The following XXYLT1 variants were observed in gnomAD, a reference collection of about 807,000 sequenced individuals.
The protein encoded by XXYLT1 is xyloside xylosyltransferase 1.
XXYLT1 carries 20 observed loss-of-function variants against 28.9 expected under a neutral mutation model. The observed-to-expected ratio is 0.69, with a 90% CI of 0.49 to 1.00. The LOEUF (loss-of-function observed/expected upper bound fraction) is 1.00. Among genes scored for constraint, XXYLT1 ranks in the 50% least tolerant of loss-of-function variants. The pLI, the probability that XXYLT1 is intolerant of heterozygous loss-of-function variation, is 0.00. For missense variants in XXYLT1, 542 were observed against 560.1 expected, an observed-to-expected ratio of 0.97 and a Z score of 0.33; for synonymous variants, 257 against 253.8, an observed-to-expected ratio of 1.01 and a Z score of -0.12.
At chr3:195,206,368 T>C (rs1311724175) in intron 2 of XXYLT1, among the ~76,000 whole-genome samples, 1 of 150,788 alleles carries the variant, frequency 6.6e-6, no homozygotes, top group Non-Finnish European at 1.5e-5. Context: ...AAATGAAACA[T>C]GTAGTCAATT....
chr3:195,075,557 C>T (rs1237054157), intron 3 of XXYLT1, among the ~76,000 whole-genome samples: 1 of 152,226 alleles, frequency 6.6e-6, no homozygotes, highest in African/African-American at 2.4e-5. Context: ...GAGGCAGCAC[C>T]GCTCAGACAA....
At chr3:195,074,663 G>T (rs762398787) in intron 3 of XXYLT1, among the ~76,000 whole-genome samples, 1 of 152,172 alleles carries the variant, frequency 6.6e-6, no homozygotes, top group African/African-American at 2.4e-5. Flanking sequence ...CTGGCTGGGT[G>T]ATGTCGGCTA....
chr3:195,108,876 G>C (rs1428898541), intron 3 of XXYLT1, among the ~76,000 whole-genome samples: 1 of 152,168 alleles, frequency 6.6e-6, no homozygotes, highest in Non-Finnish European at 1.5e-5. Flanking sequence ...GTAAATCCAA[G>C]GATGTCCTTA....
At chr3:195,134,293 G>A (rs145195758) in intron 3 of XXYLT1, among the ~76,000 whole-genome samples, 100 of 152,226 alleles carry the variant, frequency 6.6e-4, no homozygotes, top group African/African-American at 2.4e-3. Context: ...GCAAAGTAAC[G>A]TCCCAGGCCT....
chr3:195,088,229 G>T (rs1024477789), intron 3 of XXYLT1, among the ~76,000 whole-genome samples: 2 of 151,534 alleles, frequency 1.3e-5, no homozygotes, highest in African/African-American at 2.4e-5. Context: ...ACCTCTGGGG[G>T]CAGGGCACAG....
chr3:195,070,168 T>G, intron 3 of XXYLT1, 57 bp from the exon 4 acceptor site: 1 of 1,499,264 alleles, frequency 6.7e-7, no homozygotes, highest in Non-Finnish European at 8.8e-7. Context: ...CCTGCCGGCC[T>G]GCTGCCCTGG....
chr3:195,227,706 TAAATGCAGAGTCAGAACTTGACC>T (rs1724117234), intron 1 of XXYLT1, among the ~76,000 whole-genome samples: 1 of 152,076 alleles, frequency 6.6e-6, no homozygotes, highest in South Asian at 2.1e-4. Flanking sequence ...ACACAGATAA[TAAATGCAGAGTCAGAACTTGACC>T]CTGGCCTCCA....
intron 3 of XXYLT1, among the ~76,000 whole-genome samples, chr3:195,120,614 T>C (rs1258784809): frequency 6.6e-6 from 1 of 152,200 alleles, no homozygotes. Flanking sequence ...CCCATGACTA[T>C]CGTTAGCATT....
intron 2 of XXYLT1, among the ~76,000 whole-genome samples, chr3:195,169,994 T>C (rs1282272280): frequency 4.9e-5 from 2 of 40,426 alleles, no homozygotes; most frequent in African/African-American, 9.4e-5. Context: ...GCCTTCCAAG[T>C]AGCTGGGATT....
intron 1 of XXYLT1, among the ~76,000 whole-genome samples, chr3:195,249,803 C>T (rs1015260168): frequency 1.3e-5 from 2 of 152,190 alleles, no homozygotes; most frequent in Non-Finnish European, 2.9e-5. Context: ...CTTGATGTCA[C>T]ATACTTCAAG....
chr3:195,241,538 T>A (rs1427290401), intron 1 of XXYLT1, among the ~76,000 whole-genome samples: 1 of 152,100 alleles, frequency 6.6e-6, no homozygotes, highest in African/African-American at 2.4e-5. Flanking sequence ...TGTTTTCCAA[T>A]TAACCTGCAC....
chr3:195,126,973 T>G (rs1002083386), intron 3 of XXYLT1, among the ~76,000 whole-genome samples: 1 of 152,252 alleles, frequency 6.6e-6, no homozygotes, highest in Non-Finnish European at 1.5e-5. Context: ...CATCTTCCCA[T>G]GTACCATTCT....
chr3:195,145,525 C>T (rs546857228), intron 3 of XXYLT1, among the ~76,000 whole-genome samples: 4 of 146,024 alleles, frequency 2.7e-5, no homozygotes, highest in African/African-American at 1.1e-4. Context: ...TGGGGCCCTG[C>T]GAGCATCTCT....
chr3:195,076,413 G>A lies in XXYLT1; in HGVS notation c.786-6302C>T, dbSNP rs1297275231. 6.6e-6 allele frequency among the ~76,000 whole-genome samples: 1 copy of A among 152,160 alleles called. No individual in the cohort carries two copies. The highest frequency in any genetic ancestry group is 1.5e-5 in the Non-Finnish European group (1 of 68,040). ...GAGTCGTTTTGAATTATGTCACGCA[G>A]GGGCCTTCGGTGGGAGGAGGGACAG... On this transcript the variant is annotated intron_variant, in intron 3 of 3. Transcript: ENST00000310380. The surrounding 1 kb of genome is among the most constrained non-coding windows in gnomAD (Gnocchi z 5.3).
At chr3:195,119,476 T>C (rs79346803) in intron 3 of XXYLT1, among the ~76,000 whole-genome samples, 4,622 of 152,174 alleles carry the variant, frequency 0.03, 108 homozygotes, top group Middle Eastern at 0.12. Context: ...AATGAGTGAC[T>C]GGGTGATAAC....
At chr3:195,140,720 C>T (rs1049920418) in intron 3 of XXYLT1, among the ~76,000 whole-genome samples, 1 of 152,170 alleles carries the variant, frequency 6.6e-6, no homozygotes, top group African/African-American at 2.4e-5. Context: ...TTTTAAACAA[C>T]TGGATCTCAT....
At chr3:195,157,544 C>T (rs1180630322) in intron 2 of XXYLT1, among the ~76,000 whole-genome samples, 1 of 152,176 alleles carries the variant, frequency 6.6e-6, no homozygotes, top group African/African-American at 2.4e-5. Flanking sequence ...CAGGTGACTC[C>T]GGGCTAGAAG....
At chr3:195,123,129 T>C (rs1297988194) in intron 3 of XXYLT1, among the ~76,000 whole-genome samples, 1 of 152,060 alleles carries the variant, frequency 6.6e-6, no homozygotes, top group African/African-American at 2.4e-5. Context: ...CAGCTAGAAC[T>C]CATTCAACCA....
chr3:195,266,637 G>T, intron 1 of XXYLT1, among the ~76,000 whole-genome samples: 1 of 152,196 alleles, frequency 6.6e-6, no homozygotes, highest in Non-Finnish European at 1.5e-5. Context: ...TGTGAGCCAG[G>T]CATCATGCTC....
Sources: gnomAD v4.1 joint callset for allele counts (sites outside exome capture counted in the v4.1 genomes callset) on GRCh38, gnomAD v4.1.1 for gene constraint, Gnocchi (gnomAD v3.1) non-coding constraint, MANE v1.5 for transcripts, NCBI Gene and HGNC (gene_info 2026-07-23, HGNC 2026-07-21) for gene names.